The following MYO16 variants were observed in gnomAD, a reference collection of about 807,000 sequenced individuals.
MYO16 encodes unconventional myosin-XVI.
In MYO16, 94 loss-of-function variants were observed where a neutral mutation model predicts 205.3. The ratio of observed to expected loss-of-function variants is 0.46; its 90% CI spans 0.39 to 0.54. MYO16 has a LOEUF of 0.54. MYO16 is among the 20% of genes least tolerant of loss of function. The pLI is 0.00. For missense variants in MYO16, 2,315 were observed against 2,387.5 expected (o/e 0.97, Z 0.63); for synonymous variants, 988 against 954.0 (o/e 1.04, Z -0.66).
At chr13:108,589,718 C>G in the MYO16 span, among the ~76,000 whole-genome samples, 1 of 152,116 alleles carries the variant, frequency 6.6e-6, no homozygotes, top group Non-Finnish European at 1.5e-5. Context: ...CTCTCTCTCT[C>G]AAGCAAGTAG....
intron 20 of MYO16, among the ~76,000 whole-genome samples, chr13:108,982,196 G>A (rs1180257039): frequency 1.3e-5 from 2 of 152,234 alleles, no homozygotes; most frequent in South Asian, 2.1e-4. Flanking sequence ...CCAGCGTGTT[G>A]TATTCAGGAA....
chr13:109,075,209 A>G (rs1888053798), intron 27 of MYO16, among the ~76,000 whole-genome samples: 1 of 152,194 alleles, frequency 6.6e-6, no homozygotes. Context: ...TGGGAAAATT[A>G]TAGGAGTAGA....
chr13:108,808,285 G>A (rs1274508538), intron 7 of MYO16, among the ~76,000 whole-genome samples: 3 of 137,980 alleles, frequency 2.2e-5, no homozygotes, highest in South Asian at 2.7e-4. Context: ...TACAGAAATA[G>A]AACCTTCTTC....
At chr13:108,896,933 C>G (rs1213531224) in intron 14 of MYO16, among the ~76,000 whole-genome samples, 1 of 152,030 alleles carries the variant, frequency 6.6e-6, no homozygotes, top group African/African-American at 2.4e-5. Flanking sequence ...GATCACACCA[C>G]TGCAGTGAGC....
At chr13:109,041,355 T>TA (rs1886878621) in intron 23 of MYO16, among the ~76,000 whole-genome samples, 1 of 152,200 alleles carries the variant, frequency 6.6e-6, no homozygotes, top group Non-Finnish European at 1.5e-5. Flanking sequence ...TTTTTATAGA[T>TA]ATAAAGGTAT....
chr13:109,064,828 G>A (rs1887695114), intron 27 of MYO16, among the ~76,000 whole-genome samples: 1 of 152,118 alleles, frequency 6.6e-6, no homozygotes, highest in Non-Finnish European at 1.5e-5. Flanking sequence ...CCTCCTCATA[G>A]GGATGTACTG....
chr13:108,672,607 T>TAA (rs1396347014), intron 2 of MYO16, among the ~76,000 whole-genome samples: 6 of 152,316 alleles, frequency 3.9e-5, no homozygotes, highest in Admixed American at 3.3e-4. Context: ...GAGTTGGTGA[T>TAA]ATTTCAGTGT....
At chr13:108,572,186 C>A in the MYO16 span, among the ~76,000 whole-genome samples, 126 of 152,216 alleles carry the variant, frequency 8.3e-4, no homozygotes, top group African/African-American at 3.0e-3. Context: ...CTTGGCCTCC[C>A]AAACTGCTGG....
intron 15 of MYO16, among the ~76,000 whole-genome samples, chr13:108,905,794 C>G (rs1217713293): frequency 6.6e-6 from 1 of 152,056 alleles, no homozygotes; most frequent in African/African-American, 2.4e-5. Flanking sequence ...TCCTCAAGAG[C>G]TTACTTGTAA....
rs140224580 is a variant in MYO16, at chr13:108,617,194, G to C, written c.-39+20955G>C. 1.4e-4 allele frequency among the ~76,000 whole-genome samples: 22 copies of C among 152,230 alleles called. No homozygotes were observed. In the East Asian group the frequency reaches 4.3e-3, roughly 29 times the overall value. ...TTAGTGTTTAGCAGAGAGCCATCTG[G>C]AGGGCCTGTGAGATCCCCAAGAGCG... On this transcript the variant is annotated intron_variant, in intron 1 of 24. Transcript: ENST00000251041.
intron 23 of MYO16, among the ~76,000 whole-genome samples, chr13:109,024,490 A>G (rs567528677): frequency 6.6e-6 from 1 of 151,978 alleles, no homozygotes; most frequent in Admixed American, 6.5e-5. Context: ...AAAAAATTGT[A>G]CATTCACTTA....
At chr13:108,729,617 T>C (rs1402030064) in intron 4 of MYO16, among the ~76,000 whole-genome samples, 2 of 152,220 alleles carry the variant, frequency 1.3e-5, no homozygotes, top group Non-Finnish European at 2.9e-5. Context: ...TCTTCCTGCA[T>C]GCAAAATGGC....
At chr13:108,554,693 CA>C in the MYO16 span, among the ~76,000 whole-genome samples, 2 of 151,294 alleles carry the variant, frequency 1.3e-5, no homozygotes, top group Non-Finnish European at 3.0e-5. Flanking sequence ...GCTAAAAATA[CA>C]AAAAAATTAG....
At chr13:109,023,648 T>C (rs1174532123) in intron 23 of MYO16, among the ~76,000 whole-genome samples, 1 of 128,732 alleles carries the variant, frequency 7.8e-6, no homozygotes, top group South Asian at 2.3e-4. Flanking sequence ...TATACAAATA[T>C]ATGTATATAT....
intron 11 of MYO16, among the ~76,000 whole-genome samples, chr13:108,857,614 T>A (rs990582383): frequency 6.6e-6 from 1 of 152,200 alleles, no homozygotes; most frequent in Admixed American, 6.5e-5. Flanking sequence ...TCTCCTTTAA[T>A]CCCAGAGTAA....
At chr13:108,795,780 A>G (rs1400356115) in intron 6 of MYO16, among the ~76,000 whole-genome samples, 1 of 152,230 alleles carries the variant, frequency 6.6e-6, no homozygotes, top group Non-Finnish European at 1.5e-5. Flanking sequence ...AAAGTGGGTA[A>G]TATACACTAT....
chr13:108,629,557 C>T (rs763870929), upstream of MYO16: 3 of 351,668 alleles, frequency 8.5e-6, no homozygotes, highest in South Asian at 7.8e-5. Context: ...TGACTATTCC[C>T]GGGATTGTGG....
At chr13:108,955,294 C>G (rs2139350840) in intron 16 of MYO16, among the ~76,000 whole-genome samples, 1 of 152,184 alleles carries the variant, frequency 6.6e-6, no homozygotes, top group Admixed American at 6.5e-5. Context: ...TTCCGCAGCT[C>G]CTTTTCTTGA....
chr13:108,645,620 C>T (rs1208150841), intron 1 of MYO16, among the ~76,000 whole-genome samples: 1 of 152,156 alleles, frequency 6.6e-6, no homozygotes, highest in Non-Finnish European at 1.5e-5. Context: ...AGTGGTTTTC[C>T]CCTTACCAGC....
Sources: allele counts gnomAD v4.1 joint callset (sites outside exome capture counted in the v4.1 genomes callset), GRCh38; gene constraint gnomAD v4.1.1; transcripts MANE v1.5; gene names NCBI Gene and HGNC (gene_info 2026-07-23, HGNC 2026-07-21).